Variants in ERC2 observed in about 807,000 individuals in gnomAD.
The protein encoded by ERC2 is ERC protein 2.
In ERC2, 42 loss-of-function variants were observed where a neutral mutation model predicts 114.8. The ratio of observed to expected loss-of-function variants is 0.37; its 90% CI spans 0.29 to 0.47. ERC2 has a LOEUF of 0.47. Ranked by LOEUF, ERC2 falls within the 20% of genes least tolerant of loss-of-function variation. ERC2 has a pLI of 0.99. For missense variants in ERC2, 939 were observed against 1,150.7 expected (o/e 0.82, Z 2.66); for synonymous variants, 454 against 425.5 (o/e 1.07, Z -0.82).
intron 2 of ERC2, among the ~76,000 whole-genome samples, chr3:56,378,079 C>A (rs1418619329): frequency 6.6e-6 from 1 of 151,868 alleles, no homozygotes; most frequent in Non-Finnish European, 1.5e-5. Flanking sequence ...ATTTGGGAAC[C>A]CAAAGGACTA....
chr3:55,717,742 C>A (rs1345081778), intron 15 of ERC2, among the ~76,000 whole-genome samples: 1 of 152,140 alleles, frequency 6.6e-6, no homozygotes, highest in Non-Finnish European at 1.5e-5. Context: ...CCTTTGCATT[C>A]TCTGAGTTTG....
At chr3:55,731,683 C>A (rs757153077) in intron 15 of ERC2, among the ~76,000 whole-genome samples, 40 of 152,178 alleles carry the variant, frequency 2.6e-4, no homozygotes, top group Non-Finnish European at 4.3e-4. Flanking sequence ...TGAGGCTGAG[C>A]AAGATACCCA....
chr3:55,869,906 C>A (rs6804314), intron 14 of ERC2, among the ~76,000 whole-genome samples: 2 of 151,938 alleles, frequency 1.3e-5, no homozygotes, highest in African/African-American at 4.8e-5. Flanking sequence ...CACAGAGAGG[C>A]GAGAAGATTC....
chr3:55,928,898 T>G (rs1033777654), intron 13 of ERC2, among the ~76,000 whole-genome samples: 3 of 152,234 alleles, frequency 2.0e-5, no homozygotes, highest in African/African-American at 7.2e-5. Flanking sequence ...TTGGCAACTT[T>G]GTTGAAAACG....
chr3:55,571,685 A>G lies in ERC2; in HGVS notation c.*40-60409T>C, dbSNP rs141661050. Among the ~76,000 whole-genome samples the G allele has an allele frequency of 5.9e-3, 893 of 152,322 alleles. 9 individuals carry two copies. Among genetic ancestry groups the G allele is most frequent in the Non-Finnish European group, 0.011 (742 of 68,034 alleles). ...AATAGTCAAATTCTGTGGAGTGTTC[A>G]GAAGTGTTTCCTGAGTGGTCCTGCA... On this transcript the variant is annotated intron_variant, in intron 17 of 17. Transcript: ENST00000288221.
At chr3:56,450,817 A>G (rs1456487511) in intron 1 of ERC2, among the ~76,000 whole-genome samples, 6 of 152,228 alleles carry the variant, frequency 3.9e-5, no homozygotes, top group African/African-American at 1.2e-4. Flanking sequence ...GGTGACACAG[A>G]GAGACCTTAT....
chr3:55,629,081 C>T (rs997696195), intron 17 of ERC2, among the ~76,000 whole-genome samples: 40 of 152,232 alleles, frequency 2.6e-4, no homozygotes, highest in Non-Finnish European at 2.5e-4. Context: ...GAAGAAATCT[C>T]CCTTTGCCTG....
At chr3:56,176,505 C>G (rs1248298524) in intron 3 of ERC2, among the ~76,000 whole-genome samples, 2 of 151,992 alleles carry the variant, frequency 1.3e-5, no homozygotes, top group African/African-American at 4.8e-5. Flanking sequence ...TAATACAAAC[C>G]AGCTAAAAAT....
chr3:55,576,597 A>G (rs552551213), intron 17 of ERC2, among the ~76,000 whole-genome samples: 19 of 152,294 alleles, frequency 1.2e-4, no homozygotes, highest in African/African-American at 4.3e-4. Context: ...CCCAATTTCC[A>G]GAGCAAAAGT....
chr3:55,870,132 T>C (rs2062513706), intron 14 of ERC2, among the ~76,000 whole-genome samples: 1 of 151,920 alleles, frequency 6.6e-6, no homozygotes, highest in Non-Finnish European at 1.5e-5. Context: ...TGGAGTGCAG[T>C]GGTATGATCT....
intron 13 of ERC2, among the ~76,000 whole-genome samples, chr3:55,911,407 G>C (rs2064804945): frequency 6.6e-6 from 1 of 152,144 alleles, no homozygotes; most frequent in African/African-American, 2.4e-5. Flanking sequence ...TCTAGTAAGG[G>C]AAAGAGCATT....
intron 8 of ERC2, among the ~76,000 whole-genome samples, chr3:56,018,599 G>C (rs982324958): frequency 5.3e-5 from 8 of 152,248 alleles, no homozygotes; most frequent in African/African-American, 1.7e-4. Context: ...AAGGGACCCT[G>C]GGGGCCAGGT....
intron 6 of ERC2, among the ~76,000 whole-genome samples, chr3:56,109,480 CA>C (rs1258038186): frequency 6.6e-6 from 1 of 152,090 alleles, no homozygotes; most frequent in African/African-American, 2.4e-5. Context: ...CTGCAATGAA[CA>C]TTCACATGCA....
At chr3:55,723,139 T>C (rs764119241) in intron 15 of ERC2, among the ~76,000 whole-genome samples, 1 of 152,168 alleles carries the variant, frequency 6.6e-6, no homozygotes, top group Non-Finnish European at 1.5e-5. Flanking sequence ...GAAATATGTT[T>C]TCGAAGGCTT....
chr3:56,109,667 G>A (rs1044484489), intron 6 of ERC2, among the ~76,000 whole-genome samples: 7 of 152,168 alleles, frequency 4.6e-5, no homozygotes, highest in African/African-American at 1.4e-4. Context: ...GTCCTGCTAA[G>A]TAAAGAATGT....
intron 14 of ERC2, among the ~76,000 whole-genome samples, chr3:55,782,570 T>A (rs2069142830): frequency 6.6e-6 from 1 of 152,168 alleles, no homozygotes; most frequent in South Asian, 2.1e-4. Context: ...ACAGAGTCCC[T>A]CCTATGTTCC....
At chr3:55,611,763 G>C (rs755590580) in intron 17 of ERC2, among the ~76,000 whole-genome samples, 3 of 152,182 alleles carry the variant, frequency 2.0e-5, no homozygotes, top group Non-Finnish European at 2.9e-5. Flanking sequence ...GAAAGAGCAA[G>C]AATAAAGGTG....
intron 3 of ERC2, among the ~76,000 whole-genome samples, chr3:56,246,311 AGCATCCCTG>A (rs1560452790): frequency 6.6e-6 from 1 of 152,074 alleles, no homozygotes; most frequent in East Asian, 1.9e-4. Context: ...GATGTTTAGC[AGCATCCCTG>A]GCCTCCACCC....
chr3:56,398,265 GA>G (rs1478598335), intron 2 of ERC2, among the ~76,000 whole-genome samples: 1 of 152,144 alleles, frequency 6.6e-6, no homozygotes, highest in African/African-American at 2.4e-5. Context: ...CTTTCTACAA[GA>G]GGAATATAAG....
Sources: allele counts gnomAD v4.1 joint callset (sites outside exome capture counted in the v4.1 genomes callset), GRCh38; gene constraint gnomAD v4.1.1; transcripts MANE v1.5; gene names NCBI Gene and HGNC (gene_info 2026-07-23, HGNC 2026-07-21).